Variants in CALD1 observed in about 807,000 individuals in gnomAD.
The protein encoded by CALD1 is caldesmon.
A neutral mutation model predicts 99.9 loss-of-function variants in CALD1; 33 were observed. The observed-to-expected ratio is 0.33, with a 90% CI of 0.25 to 0.44. The LOEUF is 0.44. CALD1 is among the 20% of genes least tolerant of loss of function. The probability of loss-of-function intolerance (pLI) is 1.00; values close to 1 mark genes in which losing one functional copy is unlikely to be tolerated. For missense variants in CALD1, 861 were observed against 962.1 expected, an observed-to-expected ratio of 0.89 and a Z score of 1.39; for synonymous variants, 310 against 325.0, an observed-to-expected ratio of 0.95 and a Z score of 0.50.
chr7:134,851,046 T>C (rs1586107361), intron 2 of CALD1, among the ~76,000 whole-genome samples: 1 of 152,230 alleles, frequency 6.6e-6, no homozygotes. Context: ...ATTAAACATC[T>C]TTCCTTTATA....
At chr7:134,870,794 T>C (rs1348007036) in intron 3 of CALD1, among the ~76,000 whole-genome samples, 1 of 152,144 alleles carries the variant, frequency 6.6e-6, no homozygotes, top group Non-Finnish European at 1.5e-5. Context: ...TCCTTATACT[T>C]GTACTAAGTT....
chr7:134,835,612 T>C (rs1799399852), intron 1 of CALD1, among the ~76,000 whole-genome samples: 1 of 152,210 alleles, frequency 6.6e-6, no homozygotes, highest in Admixed American at 6.5e-5. Flanking sequence ...GCCTAAATTT[T>C]TCAGAGTTGA....
At chr7:134,735,541 CTT>C in the CALD1 span, among the ~76,000 whole-genome samples, 4 of 150,916 alleles carry the variant, frequency 2.7e-5, no homozygotes, top group East Asian at 5.8e-4. Context: ...CTATTTCTCT[CTT>C]TCTTTCCCTC....
intron 3 of CALD1, among the ~76,000 whole-genome samples, chr7:134,902,921 T>C (rs1158371915): frequency 1.3e-5 from 2 of 152,154 alleles, no homozygotes; most frequent in African/African-American, 4.8e-5. Flanking sequence ...GATAAATGAC[T>C]TCAGTGGATG....
upstream of CALD1, among the ~76,000 whole-genome samples, chr7:134,743,010 G>A (rs79742901): frequency 1.1e-4 from 17 of 152,298 alleles, no homozygotes; most frequent in East Asian, 3.3e-3. Flanking sequence ...GCCCTTTACA[G>A]CAGCCTTTTA....
intron 1 of CALD1, among the ~76,000 whole-genome samples, chr7:134,771,921 A>AT (rs1796880906): frequency 6.6e-6 from 1 of 151,678 alleles, no homozygotes; most frequent in Non-Finnish European, 1.5e-5. Flanking sequence ...CTTTTTTTAA[A>AT]TTTTTTTATA....
At chr7:134,736,046 C>T in the CALD1 span, among the ~76,000 whole-genome samples, 1 of 152,168 alleles carries the variant, frequency 6.6e-6, no homozygotes, top group Admixed American at 6.5e-5. Context: ...TTAAAGGAAA[C>T]ATCTTTTTCA....
At chr7:134,855,845 T>G (rs1800275970) in intron 2 of CALD1, among the ~76,000 whole-genome samples, 2 of 152,242 alleles carry the variant, frequency 1.3e-5, no homozygotes, top group South Asian at 4.1e-4. Flanking sequence ...TATCATTCTT[T>G]CAAGATATTT....
chr7:134,968,448 C>G lies in CALD1; in HGVS notation c.*103C>G. On this transcript the variant is annotated 3_prime_UTR_variant, in exon 15 of 15. Transcript: ENST00000361675. ...TTATGTTGATTTACTAAATTGGGTT[C>G]ATTATCTTTTATTTTTCAATATCCC... is the stretch of plus-strand genomic sequence containing the variant. The G allele has an allele frequency of 1.0e-6, 1 of 995,006 alleles. No homozygotes were observed. The highest frequency in any genetic ancestry group is 1.8e-5 in the Admixed American group (1 of 54,566). The allele number at this position is 995,006 out of a possible 1,614,324, so 61.6% of individuals were successfully genotyped here.
intron 1 of CALD1, among the ~76,000 whole-genome samples, chr7:134,807,303 C>T (rs1300977438): frequency 6.6e-6 from 1 of 152,164 alleles, no homozygotes; most frequent in African/African-American, 2.4e-5. Flanking sequence ...GATACCATGA[C>T]TGGTTTATTG....
At chr7:134,929,165 C>T (rs1225726616) in intron 4 of CALD1, among the ~76,000 whole-genome samples, 1 of 152,164 alleles carries the variant, frequency 6.6e-6, no homozygotes, top group Non-Finnish European at 1.5e-5. Context: ...TTTCATTTCA[C>T]AATCTAGCAT....
intron 1 of CALD1, among the ~76,000 whole-genome samples, chr7:134,786,596 AT>A (rs888127626): frequency 5.3e-5 from 8 of 151,106 alleles, no homozygotes; most frequent in South Asian, 2.1e-4. Flanking sequence ...AGGAACCTCT[AT>A]TTTTTTTTCA....
chr7:134,774,667 T>C (rs1183929200), upstream of CALD1, among the ~76,000 whole-genome samples: 1 of 152,228 alleles, frequency 6.6e-6, no homozygotes, highest in Non-Finnish European at 1.5e-5. Flanking sequence ...GGCTTCCATA[T>C]TCCGAGGTTT....
intron 3 of CALD1, chr7:134,891,745 T>TAAAAAAAAAAA: frequency 2.3e-6 from 1 of 426,696 alleles, no homozygotes; most frequent in Non-Finnish European, 3.4e-6. Context: ...CGAATTGTTG[T>TAAAAAAAAAAA]AAAAAAAAAA....
At chr7:134,928,505 G>C (rs1207486852) in intron 3 of CALD1, among the ~76,000 whole-genome samples, 1 of 148,766 alleles carries the variant, frequency 6.7e-6, no homozygotes, top group Non-Finnish European at 1.5e-5. Context: ...GAATGTTTTA[G>C]TTTAAGTTGT....
chr7:134,867,721 C>G lies in CALD1; in HGVS notation c.-13C>G. 6.3e-7 allele frequency: 1 copy of G among 1,589,378 alleles called. No individual in the cohort carries two copies. The highest frequency in any genetic ancestry group is 8.6e-7 in the Non-Finnish European group (1 of 1,160,918). ...CAGACATCATCTGGTCTCCCTGAAC[C>G]TGAAATCACACCATGGATGATTTTG... On this transcript the variant is annotated 5_prime_UTR_variant, in exon 3 of 15. Coordinates refer to ENST00000361675, the MANE Select transcript of CALD1 (RefSeq NM_033138.4).
intron 9 of CALD1, among the ~76,000 whole-genome samples, chr7:134,956,198 TA>T (rs1278127322): frequency 6.6e-6 from 1 of 151,642 alleles, no homozygotes; most frequent in Non-Finnish European, 1.5e-5. Flanking sequence ...CTAGTATCTA[TA>T]AAACTGTTAT....
Position 134,923,972 on chromosome 7 carries a change from GA to G in CALD1, c.72-4778del, listed in dbSNP as rs145816523. Among the ~76,000 whole-genome samples, 570 of 152,230 alleles carry G rather than the reference GA, an allele frequency of 3.7e-3. 3 individuals carry two copies. The highest frequency in any genetic ancestry group is 0.013 in the African/African-American group (541 of 41,532). ...ATTGTTTATAAGAAGATATAAAGTT[GA>G]AAACAATCTTAAATGTGCCTCAGTA... is the stretch of plus-strand genomic sequence containing the variant. On this transcript the variant is annotated intron_variant, in intron 3 of 14. Transcript: ENST00000361675.
chr7:134,957,071 T>A (rs1584672509), intron 9 of CALD1, among the ~76,000 whole-genome samples: 3 of 152,154 alleles, frequency 2.0e-5, no homozygotes, highest in African/African-American at 4.8e-5. Flanking sequence ...TCTGGGCTCA[T>A]TTCCTCATTT....
Sources: gnomAD v4.1 joint callset for allele counts (sites outside exome capture counted in the v4.1 genomes callset) on GRCh38, gnomAD v4.1.1 for gene constraint, MANE v1.5 for transcripts, NCBI Gene and HGNC (gene_info 2026-07-23, HGNC 2026-07-21) for gene names.